DEFB124: variants seen among roughly 807,000 people sequenced by gnomAD.
DEFB124 encodes beta-defensin 124.
For synonymous variants in DEFB124, 38 were observed against 36.5 expected (o/e 1.04, Z -0.15); for missense variants, 78 against 83.1 (o/e 0.94, Z 0.24).
At chr20:31,471,641 T>C (rs1319818017) in intron 2 of DEFB124, among the ~76,000 whole-genome samples, 74 of 104,250 alleles carry the variant, frequency 7.1e-4, no homozygotes, top group African/African-American at 1.7e-3. Context: ...TCCTCACTTC[T>C]CAGACGGGGC....
chr20:31,471,098 A>C (rs1253641676), intron 2 of DEFB124, among the ~76,000 whole-genome samples: 4 of 88,820 alleles, frequency 4.5e-5, no homozygotes, highest in Admixed American at 1.2e-4. Context: ...TGACCCCCCC[A>C]CCTCCCTCCT....
intron 2 of DEFB124, among the ~76,000 whole-genome samples, chr20:31,471,541 C>T (rs1808599830): frequency 6.8e-6 from 1 of 147,458 alleles, no homozygotes; most frequent in South Asian, 2.2e-4. Context: ...GGGCAGGAGG[C>T]TGATCCCCCC....
At chr20:31,473,895 CT>C (rs1249364222) in intron 1 of DEFB124, among the ~76,000 whole-genome samples, 1 of 152,210 alleles carries the variant, frequency 6.6e-6, no homozygotes, top group Non-Finnish European at 1.5e-5. Flanking sequence ...TTGAGAACCC[CT>C]GAGATAATAT....
chr20:31,470,835 ATCC>A (rs1980253225), intron 2 of DEFB124, among the ~76,000 whole-genome samples: 4 of 110,546 alleles, frequency 3.6e-5, no homozygotes, highest in Non-Finnish European at 3.8e-5. Context: ...CGGGGTGCTG[ATCC>A]CCCCACCTCC....
chr20:31,465,710 C>A (rs1392107104), intron 2 of DEFB124, 47 bp from the exon 3 acceptor site: 1 of 1,596,074 alleles, frequency 6.3e-7, no homozygotes, highest in Non-Finnish European at 8.5e-7. Context: ...ATGGGTCACA[C>A]GTTAGACCAC....
At chr20:31,471,518 G>T (rs1331134011) in intron 2 of DEFB124, among the ~76,000 whole-genome samples, 2 of 141,082 alleles carry the variant, frequency 1.4e-5, no homozygotes, top group African/African-American at 2.6e-5. Flanking sequence ...CCTCCCGGAC[G>T]GGGCGGCTGG....
At chr20:31,472,712 T>G (rs66974934) in intron 2 of DEFB124, 162,767 of 436,842 alleles carry the variant, frequency 0.37, 36,835 homozygotes, top group African/African-American at 0.82. Context: ...TCACTGTTAT[T>G]ATTTCACAAC....
Position 31,465,648 on chromosome 20 carries a change from T to C in DEFB124, c.74A>G (p.Lys25Arg), listed in dbSNP as rs1344158708. The C allele has an allele frequency of 1.4e-5, 23 of 1,613,648 alleles. No homozygotes were observed. The highest frequency in any genetic ancestry group is 2.2e-5 in the East Asian group (1 of 44,898). ...GGCCCCTTGACCCTTCCAGCACCGT[T>C]TGAATTCACTTCTCCCTAAACAGAG... ...GHVPSGRSEF[K>R]RCWKGQGACQ... The change falls in exon 3 of 3, where the codon AAA becomes AGA. Residue 25 changes from lysine (K) to arginine (R), a missense_variant. Coordinates refer to ENST00000317676, the MANE Select transcript of DEFB124 (RefSeq NM_001037500.2).
chr20:31,471,083 G>A (rs1297618725), intron 2 of DEFB124, among the ~76,000 whole-genome samples: 2 of 136,588 alleles, frequency 1.5e-5, no homozygotes, highest in South Asian at 2.4e-4. Flanking sequence ...TCCCGGACGT[G>A]GGGCTGACCC....
intron 1 of DEFB124, 34 bp from the exon 2 acceptor site, chr20:31,473,072 G>A: frequency 6.3e-7 from 1 of 1,578,564 alleles, no homozygotes; most frequent in South Asian, 1.1e-5. Context: ...ACCCGAGCAG[G>A]CTGAGCCTCG....
At chr20:31,471,939 G>T (rs1377086263) in intron 2 of DEFB124, among the ~76,000 whole-genome samples, 1 of 151,448 alleles carries the variant, frequency 6.6e-6, no homozygotes, top group East Asian at 2.0e-4. Context: ...AGGCAGAGGG[G>T]CTCCTCACGT....
intron 2 of DEFB124, among the ~76,000 whole-genome samples, chr20:31,466,372 G>C (rs925176407): frequency 1.3e-5 from 2 of 151,812 alleles, no homozygotes; most frequent in Non-Finnish European, 2.9e-5. Flanking sequence ...GGCTGAGGCG[G>C]GTGGATCACC....
chr20:31,467,026 G>T (rs914340929), intron 2 of DEFB124, among the ~76,000 whole-genome samples: 19 of 152,218 alleles, frequency 1.2e-4, no homozygotes, highest in African/African-American at 2.4e-5. Context: ...CACTGGAAAT[G>T]ATGAGGGTAC....
intron 2 of DEFB124, among the ~76,000 whole-genome samples, chr20:31,470,832 CTGA>C (rs1395297823): frequency 7.2e-6 from 1 of 139,174 alleles, no homozygotes; most frequent in Non-Finnish European, 1.6e-5. Flanking sequence ...GGGCGGGGTG[CTGA>C]TCCCCCCACC....
At chr20:31,471,647 G>A (rs1165639030) in intron 2 of DEFB124, among the ~76,000 whole-genome samples, 2 of 147,984 alleles carry the variant, frequency 1.4e-5, no homozygotes, top group Non-Finnish European at 3.0e-5. Context: ...CTTCTCAGAC[G>A]GGGCAGCTGC....
chr20:31,473,454 G>T (rs183629966), intron 1 of DEFB124, among the ~76,000 whole-genome samples: 41 of 152,176 alleles, frequency 2.7e-4, no homozygotes, highest in Admixed American at 1.2e-3. Flanking sequence ...CCCTTACAAG[G>T]CCAAGTGAAC....
intron 1 of DEFB124, among the ~76,000 whole-genome samples, chr20:31,473,313 T>C (rs1029263511): frequency 7.9e-5 from 12 of 151,510 alleles, no homozygotes; most frequent in African/African-American, 2.9e-4. Flanking sequence ...CCTAAGAGAG[T>C]GGAAAAAATC....
chr20:31,470,731 G>GT (rs1980246878), intron 2 of DEFB124, among the ~76,000 whole-genome samples: 1 of 128,340 alleles, frequency 7.8e-6, no homozygotes, highest in Non-Finnish European at 1.7e-5. Context: ...CCTCCCGGAC[G>GT]GGGTGGCTGG....
intron 1 of DEFB124, among the ~76,000 whole-genome samples, chr20:31,473,252 G>C (rs1246195063): frequency 1.3e-5 from 2 of 152,132 alleles, no homozygotes; most frequent in Admixed American, 1.3e-4. Flanking sequence ...GGAAGGGGAG[G>C]TAGAATTTTC....
Sources: allele counts gnomAD v4.1 joint callset (sites outside exome capture counted in the v4.1 genomes callset), GRCh38; gene constraint gnomAD v4.1.1; transcripts MANE v1.5; gene names NCBI Gene and HGNC (gene_info 2026-07-23, HGNC 2026-07-21).